The following CCSER1 variants were observed in gnomAD, a reference collection of about 807,000 sequenced individuals.
CCSER1 encodes serine-rich coiled-coil domain-containing protein 1.
CCSER1 carries 41 observed loss-of-function variants against 82.0 expected under a neutral mutation model. The ratio of observed to expected loss-of-function variants is 0.50; its 90% confidence interval spans 0.39 to 0.65. The LOEUF (loss-of-function observed/expected upper bound fraction) is 0.65, where lower values mean the gene tolerates loss of function less well. CCSER1 is among the 30% of genes least tolerant of loss of function. The pLI, the probability that CCSER1 is intolerant of heterozygous loss-of-function variation, is 0.00. For synonymous variants in CCSER1, 414 were observed against 383.9 expected (o/e 1.08, Z -0.92); for missense variants, 1,119 against 1,064.2 (o/e 1.05, Z -0.72).
intron 10 of CCSER1, among the ~76,000 whole-genome samples, chr4:91,158,280 A>G (rs1401667071): frequency 6.6e-6 from 1 of 152,028 alleles, no homozygotes; most frequent in Non-Finnish European, 1.5e-5. Flanking sequence ...GCCTAATCAT[A>G]TAAATGTTTT....
At chr4:91,570,073 G>A (rs930517905) in intron 10 of CCSER1, among the ~76,000 whole-genome samples, 2 of 152,156 alleles carry the variant, frequency 1.3e-5, no homozygotes, top group African/African-American at 4.8e-5. Context: ...AAATCCAATA[G>A]GGTAGTCATC....
At chr4:91,173,954 A>C (rs544472031) in intron 10 of CCSER1, among the ~76,000 whole-genome samples, 2 of 152,332 alleles carry the variant, frequency 1.3e-5, no homozygotes, top group Admixed American at 6.5e-5. Flanking sequence ...AGTCTTAAAA[A>C]TTGTAGTTTT....
At chr4:90,311,422 T>C (rs1735265224) in intron 2 of CCSER1, among the ~76,000 whole-genome samples, 1 of 152,158 alleles carries the variant, frequency 6.6e-6, no homozygotes, top group South Asian at 2.1e-4. Context: ...TTTGCTGATT[T>C]GATAATGTGT....
chr4:90,432,772 C>G (rs1758468620), intron 4 of CCSER1, among the ~76,000 whole-genome samples: 1 of 152,068 alleles, frequency 6.6e-6, no homozygotes, highest in Admixed American at 6.6e-5. Context: ...TAAGACAGTT[C>G]TAAGCATTAT....
intron 9 of CCSER1, among the ~76,000 whole-genome samples, chr4:91,056,005 T>C (rs1743412862): frequency 6.6e-6 from 1 of 152,160 alleles, no homozygotes; most frequent in South Asian, 2.1e-4. Flanking sequence ...ATTTTTGTCA[T>C]TGTACTTTTC....
At position 90,827,920 on chromosome 4, in the gene CCSER1, G is replaced by A. The variant is rs899542111; in HGVS notation, c.2094+12075G>A. On this transcript the variant is annotated intron_variant, in intron 8 of 10. Coordinates refer to ENST00000509176, the MANE Select transcript of CCSER1 (RefSeq NM_001145065.2). ...TCTTATATACCCTGGTTATAGAGCC[G>A]AGGGGGAAGGGGATGTAGGCAATTT... is the stretch of plus-strand genomic sequence containing the variant. Among the ~76,000 whole-genome samples, 7 of 152,086 alleles carry A rather than the reference G, an allele frequency of 4.6e-5. No homozygotes were observed. In the South Asian group the frequency reaches 6.2e-4, roughly 14 times the overall value.
At chr4:90,897,779 C>T (rs958463594) in intron 8 of CCSER1, among the ~76,000 whole-genome samples, 5 of 152,030 alleles carry the variant, frequency 3.3e-5, no homozygotes, top group East Asian at 1.9e-4. Flanking sequence ...CATATGTATA[C>T]CAACATTTGT....
chr4:90,156,518 G>T (rs542373619), intron 1 of CCSER1, among the ~76,000 whole-genome samples: 34 of 152,264 alleles, frequency 2.2e-4, no homozygotes, highest in East Asian at 3.9e-4. Flanking sequence ...AAGTCTCTTT[G>T]TAGGTCACTG....
chr4:90,990,890 A>AT (rs1445577840), intron 9 of CCSER1, among the ~76,000 whole-genome samples: 2 of 151,946 alleles, frequency 1.3e-5, no homozygotes, highest in Admixed American at 6.6e-5. Context: ...TGGCAGCAGA[A>AT]TTTTTAAATT....
intron 10 of CCSER1, among the ~76,000 whole-genome samples, chr4:91,539,029 A>G (rs768716279): frequency 6.6e-6 from 1 of 151,924 alleles, no homozygotes; most frequent in Non-Finnish European, 1.5e-5. Flanking sequence ...AGGTCCTTCC[A>G]GTTTAGTTTA....
intron 10 of CCSER1, among the ~76,000 whole-genome samples, chr4:91,577,652 C>T (rs137894159): frequency 5.4e-4 from 82 of 151,996 alleles, no homozygotes; most frequent in Admixed American, 1.6e-3. Context: ...TGTAACACTC[C>T]GTTAAGCGAT....
chr4:91,526,908 C>A (rs1406897440), intron 10 of CCSER1, among the ~76,000 whole-genome samples: 1 of 151,960 alleles, frequency 6.6e-6, no homozygotes, highest in African/African-American at 2.4e-5. Context: ...CATATACTCT[C>A]TTGAATAGGA....
At chr4:91,309,645 C>T (rs1225364830) in intron 10 of CCSER1, among the ~76,000 whole-genome samples, 1 of 152,006 alleles carries the variant, frequency 6.6e-6, no homozygotes, top group East Asian at 1.9e-4. Flanking sequence ...AGGCTTGCAG[C>T]TCTTGTACTC....
intron 5 of CCSER1, among the ~76,000 whole-genome samples, chr4:90,483,036 C>T (rs1578715157): frequency 1.3e-5 from 2 of 152,240 alleles, no homozygotes; most frequent in Admixed American, 1.3e-4. Context: ...TAAGTACTTG[C>T]TTTATGAATC....
intron 10 of CCSER1, among the ~76,000 whole-genome samples, chr4:91,337,302 C>A (rs1036062994): frequency 6.6e-6 from 1 of 152,054 alleles, no homozygotes; most frequent in Admixed American, 6.6e-5. Context: ...ATACCATATA[C>A]ATTAGAACCA....
At chr4:90,950,004 C>A (rs1433732306) in intron 9 of CCSER1, among the ~76,000 whole-genome samples, 1 of 152,062 alleles carries the variant, frequency 6.6e-6, no homozygotes, top group Non-Finnish European at 1.5e-5. Context: ...TATCATACCA[C>A]ACCCCTCCAC....
chr4:90,508,121 A>G (rs1415352620), intron 5 of CCSER1, among the ~76,000 whole-genome samples: 1 of 152,012 alleles, frequency 6.6e-6, no homozygotes, highest in Non-Finnish European at 1.5e-5. Flanking sequence ...TTTTGGTTGG[A>G]TGACTGGGAA....
intron 5 of CCSER1, among the ~76,000 whole-genome samples, chr4:90,526,398 A>G (rs1773762754): frequency 6.6e-6 from 1 of 152,098 alleles, no homozygotes; most frequent in African/African-American, 2.4e-5. Flanking sequence ...CTAACATCAG[A>G]AGGCTTTTTT....
chr4:91,184,867 C>G (rs567750006), intron 10 of CCSER1, among the ~76,000 whole-genome samples: 3 of 152,272 alleles, frequency 2.0e-5, no homozygotes, highest in African/African-American at 7.2e-5. Flanking sequence ...GGGATTAGAA[C>G]TTGTGCTCCT....
Sources: allele counts gnomAD v4.1 joint callset (sites outside exome capture counted in the v4.1 genomes callset), GRCh38; gene constraint gnomAD v4.1.1; transcripts MANE v1.5; gene names NCBI Gene and HGNC (gene_info 2026-07-23, HGNC 2026-07-21).